TBX5: variants seen among roughly 807,000 people sequenced by gnomAD.
TBX5 encodes T-box transcription factor TBX5.
A neutral mutation model predicts 51.1 loss-of-function variants in TBX5; 8 were observed. That is an observed-to-expected ratio of 0.16 (90% CI 0.09 to 0.28). The LOEUF (loss-of-function observed/expected upper bound fraction) is 0.28, where lower values mean the gene tolerates loss of function less well. Among genes scored for constraint, TBX5 ranks in the 10% least tolerant of loss-of-function variants. The pLI is 1.00. For synonymous variants in TBX5, 302 were observed against 266.4 expected, an observed-to-expected ratio of 1.13 and a Z score of -1.30; for missense variants, 589 against 671.7, an observed-to-expected ratio of 0.88 and a Z score of 1.36.
chr12:114,403,458 C>A (rs1421721033), intron 2 of TBX5, among the ~76,000 whole-genome samples: 1 of 152,192 alleles, frequency 6.6e-6, no homozygotes, highest in Non-Finnish European at 1.5e-5. Flanking sequence ...TGACCCCAAA[C>A]GGCCGGATAA....
chr12:114,395,182 C>T (rs1871350895), intron 5 of TBX5, among the ~76,000 whole-genome samples: 1 of 152,190 alleles, frequency 6.6e-6, no homozygotes. Context: ...TAACTCCCTG[C>T]ATAGGGCACT....
chr12:114,369,850 A>AG (rs11378406), intron 7 of TBX5, among the ~76,000 whole-genome samples: 109,062 of 151,908 alleles, frequency 0.72, 39,621 homozygotes, highest in East Asian at 0.78. Context: ...TTGTTCTTCA[A>AG]TGCCTCCTAA....
chr12:114,405,152 A>C (rs1207453019), intron 1 of TBX5, among the ~76,000 whole-genome samples: 1 of 152,196 alleles, frequency 6.6e-6, no homozygotes, highest in Admixed American at 6.5e-5. Context: ...TGCTGTGGCC[A>C]GAGATCTAGA....
At chr12:114,382,721 C>T (rs1325075966) in intron 7 of TBX5, among the ~76,000 whole-genome samples, 5 of 152,006 alleles carry the variant, frequency 3.3e-5, no homozygotes, top group East Asian at 1.9e-4. Context: ...CTCTTGAACC[C>T]GGGAGGCCAA....
intron 5 of TBX5, among the ~76,000 whole-genome samples, chr12:114,397,885 G>A (rs1214836420): frequency 1.3e-5 from 2 of 152,326 alleles, no homozygotes; most frequent in Admixed American, 1.3e-4. Flanking sequence ...AGGTGAGCTG[G>A]GCTCTCCCTC....
chr12:114,375,056 T>TA lies in TBX5; in HGVS notation c.756-8666dup, dbSNP rs1318111723. The stretch of plus-strand genomic sequence containing the variant: ...TTTCTCACACGCCTTCGATTTTTCA[T>TA]AATAGAACACTGAGGGGAGGACTAC... On this transcript the variant is annotated intron_variant, in intron 7 of 8. Transcript: ENST00000405440. Among the ~76,000 whole-genome samples the TA allele has an allele frequency of 2.0e-5, 3 of 152,348 alleles. No individual in the cohort carries two copies. The South Asian group carries it at 6.2e-4, about 32-fold the overall frequency.
chr12:114,393,071 C>G (rs1328034408), intron 6 of TBX5, among the ~76,000 whole-genome samples: 2 of 152,160 alleles, frequency 1.3e-5, no homozygotes, highest in Non-Finnish European at 2.9e-5. Flanking sequence ...AGATTAGCCA[C>G]AGCATTTTGG....
intron 7 of TBX5, among the ~76,000 whole-genome samples, chr12:114,377,067 G>A (rs750678675): frequency 7.9e-5 from 12 of 152,088 alleles, no homozygotes; most frequent in Admixed American, 3.9e-4. Context: ...ACACAACCCC[G>A]CTCTTGTTTT....
upstream of TBX5, among the ~76,000 whole-genome samples, chr12:114,407,640 T>G (rs999094940): frequency 6.6e-6 from 1 of 152,194 alleles, no homozygotes; most frequent in Non-Finnish European, 1.5e-5. Context: ...TTCAAACCTT[T>G]CGAGAGAATC....
chr12:114,399,351 T>A (rs551574260), intron 4 of TBX5, among the ~76,000 whole-genome samples, 162 bp downstream of exon 4: 3 of 151,882 alleles, frequency 2.0e-5, no homozygotes, highest in African/African-American at 7.3e-5. Flanking sequence ...TTTCTTTGTC[T>A]GAGAATGGTT....
rs1869531878 is a variant in TBX5 at position 114,366,262 on chromosome 12, A to T, written c.885T>A (p.Asn295Lys). 1.2e-6 allele frequency: 2 copies of T among 1,614,092 alleles called. No homozygotes were observed. The highest frequency in any genetic ancestry group is 1.1e-5 in the South Asian group (1 of 91,068). The stretch of plus-strand genomic sequence containing the variant: ...GGTCCTGGGAGGGGCCGGAAACACC[A>T]TTCTCACACTGGTATTGGGACCCCA... ...SNLGSQYQCE[N>K]GVSGPSQDLL... is the part of the protein sequence containing the mutation. The change falls in exon 8 of 9, where the codon AAT becomes AAA. Residue 295 changes from asparagine to lysine, a missense_variant. By Grantham distance (94) the Asn-to-Lys change is moderately conservative (BLOSUM62 0). Transcript: ENST00000405440.
At chr12:114,366,498 G>GA (rs963419850) in intron 7 of TBX5, 107 bp from the exon 8 acceptor site, 67 of 1,031,314 alleles carry the variant, frequency 6.5e-5, no homozygotes, top group Middle Eastern at 3.1e-4. Flanking sequence ...ACAGAATAAG[G>GA]AAAAAAAAGA....
upstream of TBX5, chr12:114,407,961 G>T: frequency 8.1e-6 from 8 of 985,416 alleles, no homozygotes; most frequent in Non-Finnish European, 9.6e-6. Context: ...AGAAGAGCAC[G>T]TACCTCCCAG....
upstream of TBX5, among the ~76,000 whole-genome samples, chr12:114,407,419 G>T (rs563429082): frequency 1.3e-5 from 2 of 152,180 alleles, no homozygotes; most frequent in Non-Finnish European, 2.9e-5. Flanking sequence ...AGGCTGAACC[G>T]CTACATCTCC....
intron 6 of TBX5, among the ~76,000 whole-genome samples, chr12:114,393,408 G>A (rs550416718): frequency 2.2e-4 from 33 of 151,928 alleles, no homozygotes; most frequent in Admixed American, 3.9e-4. Flanking sequence ...GTCTACAACC[G>A]CACGAGGGCA....
In TBX5 at chr12:114,403,844, C is replaced by T. The variant is rs200461617; in HGVS notation, c.55G>A (p.Ala19Thr). The T allele has an allele frequency of 1.2e-6, 2 of 1,613,840 alleles. No homozygotes were observed. The highest frequency in any genetic ancestry group is 2.2e-5 in the East Asian group (1 of 44,872). The change falls in exon 2 of 9, where the codon GCA becomes ACA. Residue 19 changes from alanine to threonine, a missense_variant. Coordinates refer to ENST00000405440, the MANE Select transcript of TBX5 (RefSeq NM_181486.4). ...TTCGAATCGCAGGGCAGGTCTTTTG[C>T]GTCAGGCTCCAGAGGCGTGTGCGCC... The part of the protein sequence containing the change: ...GLAHTPLEPD[A>T]KDLPCDSKPE...
upstream of TBX5, chr12:114,407,662 G>A: frequency 1.5e-6 from 1 of 684,448 alleles, no homozygotes; most frequent in Non-Finnish European, 1.8e-6. Flanking sequence ...ATTCTTGCCA[G>A]GTGACACACG....
At position 114,406,065 on chromosome 12, in the gene TBX5, C is replaced by CCT. The variant is rs372595886; in HGVS notation, c.-478_-477dup. 379 of 950,020 alleles carry CCT rather than the reference C, an allele frequency of 4.0e-4. No homozygotes were observed. The highest frequency in any genetic ancestry group is 6.8e-4 in the South Asian group (14 of 20,576). The allele number at this position is 950,020 out of a possible 1,614,324, so 58.8% of individuals were successfully genotyped here. A position where few individuals can be genotyped will look rare whatever the true frequency, so the allele number is the denominator to read the frequency against. On this transcript the variant is annotated 5_prime_UTR_variant, in exon 1 of 9. Transcript: ENST00000405440. ...GAGTCAGTCTCTCTCACTCTCTCTC[C>CCT]CTCTCTCTCTCTCTCTGAAATACAA...
intron 5 of TBX5, among the ~76,000 whole-genome samples, chr12:114,396,933 T>TA (rs1387653460): frequency 6.6e-6 from 1 of 152,144 alleles, no homozygotes; most frequent in Non-Finnish European, 1.5e-5. Context: ...GGCTCTGCAT[T>TA]TGCCTGGGAA....
Sources: allele counts gnomAD v4.1 joint callset (sites outside exome capture counted in the v4.1 genomes callset), GRCh38; gene constraint gnomAD v4.1.1; transcripts MANE v1.5; gene names NCBI Gene and HGNC (gene_info 2026-07-23, HGNC 2026-07-21).